LRFN5: variants seen among roughly 807,000 people sequenced by gnomAD.
LRFN5 encodes the protein leucine rich repeat and fibronectin type III domain containing 5.
In LRFN5, 24 loss-of-function variants were observed where a neutral mutation model predicts 45.6. The ratio of observed to expected loss-of-function variants is 0.53; its 90% confidence interval spans 0.38 to 0.74. The LOEUF (loss-of-function observed/expected upper bound fraction) is 0.74. Ranked by LOEUF, LRFN5 falls within the 30% of genes least tolerant of loss-of-function variation. The pLI is 0.00. For missense variants in LRFN5, 776 were observed against 861.5 expected (o/e 0.90, Z 1.24); for synonymous variants, 340 against 313.8 (o/e 1.08, Z -0.88).
chr14:41,886,735 G>A lies in LRFN5; in HGVS notation c.110G>A (p.Cys37Tyr). 1 of 1,614,104 alleles carries A rather than the reference G, an allele frequency of 6.2e-7. No homozygotes were observed. Among genetic ancestry groups the A allele is most frequent in the Non-Finnish European group, 8.5e-7 (1 of 1,180,014 alleles). ...TTGTCTCCTAATCTTGCAACCCTTT[G>A]TGCCAAGAAAGGGCTTTTATTTGTT... ...QILSPNLATL[C>Y]AKKGLLFVPP... The change falls in exon 3 of 6, where the codon TGT becomes TAT. Residue 37 changes from cysteine to tyrosine, a missense_variant. Transcript: ENST00000298119.
intron 1 of LRFN5, among the ~76,000 whole-genome samples, chr14:41,623,426 G>C (rs1239693762): frequency 6.6e-6 from 1 of 152,012 alleles, no homozygotes; most frequent in Non-Finnish European, 1.5e-5. Context: ...GTCTCGGGCA[G>C]TTCTTTATAG....
chr14:41,853,684 A>T (rs1477809911), intron 2 of LRFN5, among the ~76,000 whole-genome samples: 3 of 152,136 alleles, frequency 2.0e-5, no homozygotes, highest in Admixed American at 6.6e-5. Flanking sequence ...ATCAGGACAC[A>T]GGATATATTT....
chr14:41,796,153 A>T (rs1887122218), intron 2 of LRFN5, among the ~76,000 whole-genome samples: 1 of 152,026 alleles, frequency 6.6e-6, no homozygotes, highest in South Asian at 2.1e-4. Context: ...TGAATTCAAA[A>T]ATCTGAGTAA....
In LRFN5 at chr14:41,734,321, TATATATA is replaced by T. The variant is rs1884321130; in HGVS notation, c.-196-32532_-196-32526del. Among the ~76,000 whole-genome samples the T allele has an allele frequency of 2.9e-5, 2 of 68,634 alleles. 1 individual carries two copies. The highest frequency in any genetic ancestry group is 1.7e-4 in the African/African-American group (2 of 11,470). 45.0% of individuals were successfully genotyped at this position (68,634 alleles called of 152,430 possible). On this transcript the variant is annotated intron_variant, in intron 1 of 5. Coordinates refer to ENST00000298119, the MANE Select transcript of LRFN5 (RefSeq NM_152447.5). Reference sequence around the variant, plus strand: ...CCACCTTTCCTGGACTGGTTTTATATATATATATATATATATATATATATTTAAATTT... The same window carrying T: ...CCACCTTTCCTGGACTGGTTTTATATTATATATATATATATATTTAAATTT...
chr14:41,680,004 G>A (rs1448077965), intron 1 of LRFN5, among the ~76,000 whole-genome samples: 1 of 152,140 alleles, frequency 6.6e-6, no homozygotes, highest in Non-Finnish European at 1.5e-5. Flanking sequence ...GAGTGGTGGC[G>A]GCCATGAGGA....
chr14:41,745,431 G>C (rs1383440542), intron 1 of LRFN5, among the ~76,000 whole-genome samples: 1 of 151,930 alleles, frequency 6.6e-6, no homozygotes, highest in Non-Finnish European at 1.5e-5. Context: ...TTAAAACTAA[G>C]AAAGCTCTTC....
At chr14:41,641,259 A>C (rs964972442) in intron 1 of LRFN5, among the ~76,000 whole-genome samples, 1 of 152,088 alleles carries the variant, frequency 6.6e-6, no homozygotes, top group African/African-American at 2.4e-5. Flanking sequence ...TAAAATATTA[A>C]CTATAAATTC....
At chr14:41,867,592 T>A (rs999070958) in intron 2 of LRFN5, among the ~76,000 whole-genome samples, 2 of 152,286 alleles carry the variant, frequency 1.3e-5, no homozygotes, top group South Asian at 4.1e-4. Context: ...GAATTTACAC[T>A]GGTGTTGATG....
At chr14:41,643,755 G>A (rs1364095313) in intron 1 of LRFN5, among the ~76,000 whole-genome samples, 10 of 151,608 alleles carry the variant, frequency 6.6e-5, no homozygotes, top group Admixed American at 5.3e-4. Context: ...GCTATTTACC[G>A]TTACTCCCAT....
chr14:41,681,401 C>A (rs974861374), intron 1 of LRFN5, among the ~76,000 whole-genome samples: 1 of 152,114 alleles, frequency 6.6e-6, no homozygotes, highest in Non-Finnish European at 1.5e-5. Context: ...TAAAATGTAG[C>A]TCCACTACCT....
At chr14:41,721,342 G>C (rs760759260) in intron 1 of LRFN5, among the ~76,000 whole-genome samples, 2 of 152,084 alleles carry the variant, frequency 1.3e-5, no homozygotes, top group African/African-American at 2.4e-5. Context: ...TTCTGTGCCT[G>C]TTAAATGGGG....
intron 1 of LRFN5, among the ~76,000 whole-genome samples, chr14:41,616,761 T>G (rs1445019133): frequency 6.6e-6 from 1 of 152,120 alleles, no homozygotes; most frequent in African/African-American, 2.4e-5. Flanking sequence ...TTGCATTTGA[T>G]GTGAATTCAA....
chr14:41,831,177 A>T (rs967220289), intron 2 of LRFN5, among the ~76,000 whole-genome samples: 1 of 152,234 alleles, frequency 6.6e-6, no homozygotes. Flanking sequence ...TCTCCAAAAA[A>T]GAATACAAAG....
At chr14:41,671,240 CTAAGA>C (rs1417465046) in intron 1 of LRFN5, among the ~76,000 whole-genome samples, 2 of 152,164 alleles carry the variant, frequency 1.3e-5, no homozygotes, top group African/African-American at 4.8e-5. Context: ...TCGTAATCAT[CTAAGA>C]TGAGAATATG....
intron 1 of LRFN5, among the ~76,000 whole-genome samples, chr14:41,715,589 C>A (rs1275607661): frequency 6.6e-6 from 1 of 152,150 alleles, no homozygotes; most frequent in Non-Finnish European, 1.5e-5. Context: ...CAGAATACCA[C>A]AGACTGGGAA....
chr14:41,896,450 A>G (rs901673454), intron 4 of LRFN5, among the ~76,000 whole-genome samples: 3 of 152,176 alleles, frequency 2.0e-5, no homozygotes, highest in Non-Finnish European at 4.4e-5. Flanking sequence ...TTTTGAGGAA[A>G]GGACTTCTGC....
chr14:41,803,733 A>G (rs2138974175), intron 2 of LRFN5, among the ~76,000 whole-genome samples: 1 of 152,252 alleles, frequency 6.6e-6, no homozygotes, highest in Non-Finnish European at 1.5e-5. Context: ...TGAGTTCTCA[A>G]AATGTAACTC....
intron 1 of LRFN5, among the ~76,000 whole-genome samples, chr14:41,678,814 G>C (rs920797777): frequency 2.0e-5 from 3 of 152,080 alleles, no homozygotes; most frequent in African/African-American, 7.2e-5. Context: ...ATGGTACCAG[G>C]TTTTAACTTC....
intron 1 of LRFN5, among the ~76,000 whole-genome samples, chr14:41,619,672 A>T (rs549724363): frequency 5.1e-4 from 77 of 152,156 alleles, no homozygotes; most frequent in African/African-American, 1.8e-3. Context: ...ACTAGGTTTC[A>T]TATGCTGCAT....
Sources: allele counts gnomAD v4.1 joint callset (sites outside exome capture counted in the v4.1 genomes callset), GRCh38; gene constraint gnomAD v4.1.1; transcripts MANE v1.5; gene names NCBI Gene and HGNC (gene_info 2026-07-23, HGNC 2026-07-21).